MATN3: variants seen among roughly 807,000 people sequenced by gnomAD.
The protein encoded by MATN3 is matrilin-3.
MATN3 carries 48 observed loss-of-function variants against 45.3 expected under a neutral mutation model. The observed-to-expected ratio is 1.06, with a 90% CI of 0.84 to 1.35. The LOEUF (loss-of-function observed/expected upper bound fraction) is 1.35. Ranked by LOEUF, MATN3 falls within the 40% of genes most tolerant of loss-of-function variation. The pLI, the probability that MATN3 is intolerant of heterozygous loss-of-function variation, is 0.00. For synonymous variants in MATN3, 217 were observed against 245.9 expected, an observed-to-expected ratio of 0.88 and a Z score of 1.10; for missense variants, 599 against 628.0, an observed-to-expected ratio of 0.95 and a Z score of 0.49.
rs747961033 is a variant in MATN3 at position 20,006,160 on chromosome 2, A to G, written c.374T>C (p.Val125Ala). 2.5e-6 allele frequency: 4 copies of G among 1,613,986 alleles called. No homozygotes were observed. The highest frequency in any genetic ancestry group is 3.4e-6 in the Non-Finnish European group (4 of 1,179,886). The change falls in exon 2 of 8, where the codon GTG becomes GCG. Residue 125 changes from valine (V) to alanine (A), a missense_variant. Physicochemically the swap from Val to Ala is moderately conservative, Grantham distance 64 (BLOSUM62 0). Coordinates refer to ENST00000407540, the MANE Select transcript of MATN3 (RefSeq NM_002381.5). The part of the protein sequence containing the change: ...IGPADTRVAV[V>A]NYASTVKIEF... ...GATCTTCACAGTGCTAGCATAGTTC[A>G]CCACTGCCACCCGCGTGTCGGCTGG...
At chr2:20,000,000 A>T (rs1317399859) in intron 5 of MATN3, among the ~76,000 whole-genome samples, 1 of 152,224 alleles carries the variant, frequency 6.6e-6, no homozygotes, top group Non-Finnish European at 1.5e-5. Context: ...AGGCATTCAC[A>T]AAGTCTTCTT....
At chr2:20,001,932 G>GTA (rs1191375528) in intron 4 of MATN3, 23 bp downstream of exon 4, 4 of 1,610,544 alleles carry the variant, frequency 2.5e-6, no homozygotes, top group Non-Finnish European at 3.4e-6. Context: ...AGTAGCAATA[G>GTA]TAAAGACTCC....
intron 1 of MATN3, among the ~76,000 whole-genome samples, chr2:20,011,651 G>C (rs1673221224): frequency 6.6e-6 from 1 of 152,218 alleles, no homozygotes; most frequent in Non-Finnish European, 1.5e-5. Flanking sequence ...CATATTAAGA[G>C]GTTGGTAGGC....
At chr2:20,003,344 G>T in intron 2 of MATN3, 58 bp from the exon 3 acceptor site, 2 of 1,493,292 alleles carry the variant, frequency 1.3e-6, no homozygotes, top group Non-Finnish European at 1.8e-6. Context: ...CTCAGATACC[G>T]TCTCCCATGT....
Position 19,995,426 on chromosome 2 carries a change from C to T in MATN3, c.1295-1017G>A, listed in dbSNP as rs1042479946. Among the ~76,000 whole-genome samples, 1 of 152,112 alleles carries T rather than the reference C, an allele frequency of 6.6e-6. No homozygotes were observed. Among genetic ancestry groups the T allele is most frequent in the Non-Finnish European group, 1.5e-5 (1 of 68,028 alleles). ...TGAGATCGCACCACTGCACTCCAGC[C>T]TGGGTGACAGATTGAAATGTCGTCT... On this transcript the variant is annotated intron_variant, in intron 6 of 7. Coordinates refer to ENST00000407540, the MANE Select transcript of MATN3 (RefSeq NM_002381.5). The surrounding 1 kb of genome is among the most constrained non-coding windows in gnomAD (Gnocchi z 4.2).
rs1238345601 is a variant in MATN3, at chr2:20,005,977, T to C, written c.557A>G (p.Asn186Ser). The part of the protein sequence containing the change: ...VEAGAREPSS[N>S]IPKVAIIVTD... ...AACAATGATGGCCACCTTAGGGATG[T>C]TAGAAGAGGGCTCTCGAGCCCCTGC... The change falls in exon 2 of 8, where the codon AAC becomes AGC. Residue 186 changes from asparagine (N) to serine (S), a missense_variant. Transcript: ENST00000407540. 1.9e-5 allele frequency: 31 copies of C among 1,613,992 alleles called. No homozygotes were observed. Among genetic ancestry groups the C allele is most frequent in the Non-Finnish European group, 2.6e-5 (31 of 1,179,878 alleles).
At chr2:20,003,387 G>A (rs1673028700) in intron 2 of MATN3, 101 bp from the exon 3 acceptor site, 1 of 1,177,004 alleles carries the variant, frequency 8.5e-7, no homozygotes, top group Non-Finnish European at 1.2e-6. Context: ...TCCTTTCCGA[G>A]TCCATCTTTA....
chr2:20,007,394 T>C (rs1396868901), intron 1 of MATN3, among the ~76,000 whole-genome samples: 1 of 151,946 alleles, frequency 6.6e-6, no homozygotes, highest in Non-Finnish European at 1.5e-5. Flanking sequence ...CGGGTCGTAG[T>C]GGCATGTGCC....
Position 20,003,170 on chromosome 2 carries a change from T to C in MATN3, c.907A>G (p.Thr303Ala). ...QGYTLNADKK[T>A]CSALDRCALN... The stretch of plus-strand genomic sequence containing the variant: ...CCTACACAGGCCTCACCTGAACACG[T>C]TTTCTTGTCGGCATTCAAGGTGTAT... The change falls in exon 3 of 8, where the codon ACG becomes GCG. Residue 303 changes from threonine (T) to alanine (A), a missense_variant. Transcript: ENST00000407540. 2 of 1,613,914 alleles carry C rather than the reference T, an allele frequency of 1.2e-6. No individual in the cohort carries two copies. Among genetic ancestry groups the C allele is most frequent in the African/African-American group, 1.3e-5 (1 of 75,040 alleles).
intron 1 of MATN3, among the ~76,000 whole-genome samples, chr2:20,010,294 G>T (rs1029922512): frequency 1.3e-5 from 2 of 152,070 alleles, no homozygotes; most frequent in African/African-American, 4.8e-5. Flanking sequence ...AAATATCATG[G>T]CTATGTTCTT....
Position 19,995,448 on chromosome 2 carries a change from G to A in MATN3, c.1295-1039C>T, listed in dbSNP as rs73218336. Among the ~76,000 whole-genome samples the A allele has an allele frequency of 0.01, 1,561 of 151,160 alleles. 35 individuals carry two copies. The highest frequency in any genetic ancestry group is 0.035 in the African/African-American group (1,438 of 40,664). On this transcript the variant is annotated intron_variant, in intron 6 of 7. Coordinates refer to ENST00000407540, the MANE Select transcript of MATN3 (RefSeq NM_002381.5). This position sits in a 1 kb window ranked among gnomAD's most constrained non-coding sequence, Gnocchi z 4.2. ...AGCCTGGGTGACAGATTGAAATGTC[G>A]TCTCAAAAAACAAAACAAAAAAAAA...
At chr2:20,008,595 A>G (rs1176343142) in intron 1 of MATN3, among the ~76,000 whole-genome samples, 2 of 152,188 alleles carry the variant, frequency 1.3e-5, no homozygotes, top group Non-Finnish European at 1.5e-5. Context: ...CAAAAAGAAA[A>G]TCTTCCTTTC....
At position 19,993,096 on chromosome 2, in the gene MATN3, AG is replaced by A; in HGVS notation, c.*14del. On this transcript the variant is annotated 3_prime_UTR_variant, in exon 8 of 8. Transcript: ENST00000407540. ...ACCAAGCTGTCCACATTTTCAGGTG[AG>A]AAATTGGAGCAATTTAACGATGTAT... 1 of 1,606,378 alleles carries A rather than the reference AG, an allele frequency of 6.2e-7. No homozygotes were observed. Among genetic ancestry groups the A allele is most frequent in the Non-Finnish European group, 8.5e-7 (1 of 1,173,174 alleles).
At chr2:20,009,671 GA>G (rs1330245583) in intron 1 of MATN3, among the ~76,000 whole-genome samples, 1 of 152,086 alleles carries the variant, frequency 6.6e-6, no homozygotes, top group African/African-American at 2.4e-5. Flanking sequence ...AAAAAGATCT[GA>G]ATAGGAAACA....
At chr2:19,998,175 G>A (rs570164170) in intron 5 of MATN3, among the ~76,000 whole-genome samples, 11 of 152,222 alleles carry the variant, frequency 7.2e-5, no homozygotes, top group African/African-American at 2.6e-4. Context: ...TACATAAAGT[G>A]CCTTTCCAAC....
chr2:20,005,671 A>C, intron 2 of MATN3, 73 bp downstream of exon 2: 2 of 1,147,494 alleles, frequency 1.7e-6, no homozygotes, highest in Admixed American at 2.9e-5. Flanking sequence ...AAAGAATAAT[A>C]CTCTTTTCTC....
chr2:20,004,083 G>C (rs1054679302), intron 2 of MATN3: 1 of 152,164 alleles, frequency 6.6e-6, no homozygotes, highest in Non-Finnish European at 1.5e-5. Flanking sequence ...GAGGCCTGTT[G>C]AAGGAGGCTG....
At position 20,006,310 on chromosome 2, in the gene MATN3, C is replaced by T. The variant is rs374358569; in HGVS notation, c.224G>A (p.Gly75Asp). 1.3e-5 allele frequency: 20 copies of T among 1,540,436 alleles called. No individual in the cohort carries two copies. The African/African-American group carries it at 2.7e-4, about 21-fold the overall frequency. ...GTCCAAGGGTCTGCTCTTGCAAACA[C>T]CTGCAAAAGACCAAGCAATGATCAG... ...TSEPGRARGA[G>D]VCKSRPLDLV... The change falls in exon 2 of 8, where the codon GGT (glycine) becomes GAT (aspartate). Residue 75 changes from glycine to aspartate, a missense_variant and splice_region_variant. By Grantham distance (94) the Gly-to-Asp change is moderately conservative (BLOSUM62 -1). Transcript: ENST00000407540.
Position 20,005,847 on chromosome 2 carries a change from G to C in MATN3, c.687C>G (p.Ser229=), listed in dbSNP as rs374827048. 1 of 1,610,228 alleles carries C rather than the reference G, an allele frequency of 6.2e-7. No homozygotes were observed. The highest frequency in any genetic ancestry group is 8.5e-7 in the Non-Finnish European group (1 of 1,178,174). ...AVGVDRADMA[S]LKMMASEPLE... ...GGGGCTCACTGGCCATCATCTTGAG[G>C]GACGCCATGTCTGCCCGGTCCACGC... The change falls in exon 2 of 8, where the codon TCC becomes TCG. Residue 229 remains serine, a synonymous_variant. Coordinates refer to ENST00000407540, the MANE Select transcript of MATN3 (RefSeq NM_002381.5).
Sources: gnomAD v4.1 joint callset for allele counts (sites outside exome capture counted in the v4.1 genomes callset) on GRCh38, gnomAD v4.1.1 for gene constraint, Gnocchi (gnomAD v3.1) non-coding constraint, MANE v1.5 for transcripts, NCBI Gene and HGNC (gene_info 2026-07-23, HGNC 2026-07-21) for gene names.